GRAMD1B: variants seen among roughly 807,000 people sequenced by gnomAD.
GRAMD1B encodes GRAM domain containing 1B.
In GRAMD1B, 37 loss-of-function variants were observed where a neutral mutation model predicts 99.7. The ratio of observed to expected loss-of-function variants is 0.37; its 90% CI spans 0.29 to 0.49. The LOEUF (loss-of-function observed/expected upper bound fraction) is 0.49. Ranked by LOEUF, GRAMD1B falls within the 20% of genes least tolerant of loss-of-function variation. The probability of loss-of-function intolerance (pLI) is 0.98; values close to 1 mark genes in which losing one functional copy is unlikely to be tolerated. For missense variants in GRAMD1B, 888 were observed against 1,009.2 expected, an observed-to-expected ratio of 0.88 and a Z score of 1.63; for synonymous variants, 427 against 387.6, an observed-to-expected ratio of 1.10 and a Z score of -1.19.
chr11:123,362,883 G>A (rs1403773870), intron 1 of GRAMD1B, among the ~76,000 whole-genome samples: 1 of 152,102 alleles, frequency 6.6e-6, no homozygotes, highest in Non-Finnish European at 1.5e-5. Flanking sequence ...TGAGGGTGCT[G>A]GAAGCATGGG....
intron 4 of GRAMD1B, among the ~76,000 whole-genome samples, chr11:123,593,039 C>G (rs1284289377): frequency 6.6e-6 from 1 of 152,000 alleles, no homozygotes; most frequent in Non-Finnish European, 1.5e-5. Flanking sequence ...TGAGACCAGC[C>G]TGGCCAATAT....
intron 2 of GRAMD1B, among the ~76,000 whole-genome samples, chr11:123,539,808 G>A (rs1382059766): frequency 2.6e-5 from 4 of 152,182 alleles, no homozygotes; most frequent in Non-Finnish European, 4.4e-5. Flanking sequence ...TATCTCTGCA[G>A]TATTTAATTC....
At chr11:123,493,793 A>G (rs1462929681) in intron 2 of GRAMD1B, among the ~76,000 whole-genome samples, 1 of 152,190 alleles carries the variant, frequency 6.6e-6, no homozygotes, top group African/African-American at 2.4e-5. Context: ...TTCAGATCCC[A>G]GGAACAATGT....
intron 19 of GRAMD1B, among the ~76,000 whole-genome samples, chr11:123,621,002 G>A (rs1265862454): frequency 6.6e-6 from 1 of 152,086 alleles, no homozygotes; most frequent in African/African-American, 2.4e-5. Context: ...TTTCAGAATG[G>A]GGCCCTTTAA....
chr11:123,614,584 C>T (rs898871705), intron 16 of GRAMD1B, among the ~76,000 whole-genome samples, 161 bp from the exon 17 acceptor site: 1 of 152,224 alleles, frequency 6.6e-6, no homozygotes, highest in Admixed American at 6.5e-5. Context: ...ATTTTACCTT[C>T]TCCTCTTGGA....
rs1156906008 is a variant in GRAMD1B, at chr11:123,626,569, A to G, written c.*3974A>G. 1 of 152,126 alleles carries G rather than the reference A, an allele frequency of 6.6e-6. No homozygotes were observed. The highest frequency in any genetic ancestry group is 2.4e-5 in the African/African-American group (1 of 41,394). The allele number at this position is 152,126 out of a possible 1,614,324, so 9.4% of individuals were successfully genotyped here. Reference sequence around the variant, plus strand: ...TTTTCTCCTACTGCCCCCAGGAGAAATAGCACTCTTCTCCCTTCCCCCAGA... The same window carrying G: ...TTTTCTCCTACTGCCCCCAGGAGAAGTAGCACTCTTCTCCCTTCCCCCAGA... On this transcript the variant is annotated 3_prime_UTR_variant, in exon 20 of 20. Transcript: ENST00000635736.
chr11:123,488,980 T>A (rs1938213554), intron 2 of GRAMD1B, among the ~76,000 whole-genome samples: 1 of 151,918 alleles, frequency 6.6e-6, no homozygotes, highest in Non-Finnish European at 1.5e-5. Flanking sequence ...GTTGACCCCT[T>A]AGATGGCCCA....
intron 1 of GRAMD1B, among the ~76,000 whole-genome samples, chr11:123,403,512 C>CT (rs915633075): frequency 1.3e-5 from 2 of 149,450 alleles, no homozygotes; most frequent in Non-Finnish European, 3.0e-5. Context: ...TGTTGTTAGG[C>CT]TTTTTTTGTT....
intron 1 of GRAMD1B, among the ~76,000 whole-genome samples, chr11:123,466,388 G>T (rs907693243): frequency 1.5e-5 from 2 of 132,462 alleles, no homozygotes; most frequent in Non-Finnish European, 3.3e-5. Context: ...GAGAGAGAAA[G>T]AAAGAAAAAG....
chr11:123,579,910 C>G (rs1211529972), intron 3 of GRAMD1B, among the ~76,000 whole-genome samples: 1 of 152,180 alleles, frequency 6.6e-6, no homozygotes, highest in Non-Finnish European at 1.5e-5. Flanking sequence ...GAGCAGGAAT[C>G]AGGGGCCAAA....
chr11:123,603,020 G>A (rs1257444376), intron 8 of GRAMD1B, among the ~76,000 whole-genome samples: 1 of 152,180 alleles, frequency 6.6e-6, no homozygotes, highest in Non-Finnish European at 1.5e-5. Context: ...CGGGTCAGGG[G>A]ACCTCTGGGC....
chr11:123,554,814 C>T (rs1287193236), intron 2 of GRAMD1B, among the ~76,000 whole-genome samples: 2 of 152,138 alleles, frequency 1.3e-5, no homozygotes, highest in Non-Finnish European at 2.9e-5. Flanking sequence ...TAGGGAGCAG[C>T]TCCTAGGATT....
intron 1 of GRAMD1B, among the ~76,000 whole-genome samples, chr11:123,474,262 AT>A (rs113287664): frequency 0.29 from 44,708 of 151,872 alleles, 7,007 homozygotes; most frequent in Middle Eastern, 0.38. Context: ...TTAACTTTTA[AT>A]TTTTTTTAAA....
At chr11:123,547,065 A>G (rs895234533) in intron 2 of GRAMD1B, among the ~76,000 whole-genome samples, 1 of 152,104 alleles carries the variant, frequency 6.6e-6, no homozygotes, top group African/African-American at 2.4e-5. Flanking sequence ...AAGAGACCCC[A>G]TGGTTTCTTT....
At chr11:123,381,741 T>A (rs376337819) in intron 1 of GRAMD1B, among the ~76,000 whole-genome samples, 4 of 152,230 alleles carry the variant, frequency 2.6e-5, no homozygotes, top group Non-Finnish European at 5.9e-5. Flanking sequence ...CTTGGAACTA[T>A]GCTATTTTTT....
At chr11:123,417,232 A>G in intron 1 of GRAMD1B, among the ~76,000 whole-genome samples, 1 of 152,044 alleles carries the variant, frequency 6.6e-6, no homozygotes, top group East Asian at 1.9e-4. Flanking sequence ...AATTAGCTGG[A>G]CGTGGTGGTG....
intron 1 of GRAMD1B, among the ~76,000 whole-genome samples, chr11:123,376,202 A>C (rs1394273714): frequency 6.6e-6 from 1 of 152,190 alleles, no homozygotes; most frequent in Non-Finnish European, 1.5e-5. Context: ...GTTTAAAAGA[A>C]ATGGGCAATC....
chr11:123,586,884 A>T (rs1032095135), intron 4 of GRAMD1B, among the ~76,000 whole-genome samples: 9 of 152,206 alleles, frequency 5.9e-5, no homozygotes, highest in African/African-American at 2.2e-4. Flanking sequence ...CCATTCTGAT[A>T]TCTGAGGCTC....
chr11:123,474,376 C>G (rs574562133), intron 1 of GRAMD1B, among the ~76,000 whole-genome samples: 50 of 152,350 alleles, frequency 3.3e-4, no homozygotes, highest in African/African-American at 1.1e-3. Flanking sequence ...CAATCTCCCC[C>G]TCTGCTAAGT....
Sources: gnomAD v4.1 joint callset for allele counts (sites outside exome capture counted in the v4.1 genomes callset) on GRCh38, gnomAD v4.1.1 for gene constraint, MANE v1.5 for transcripts, NCBI Gene and HGNC (gene_info 2026-07-23, HGNC 2026-07-21) for gene names.